The following SLIT3 variants were observed in gnomAD, a reference collection of about 807,000 sequenced individuals.
The protein encoded by SLIT3 is slit homolog 3 protein.
In SLIT3, 68 loss-of-function variants were observed where a neutral mutation model predicts 184.0. The observed-to-expected ratio is 0.37, with a 90% CI of 0.30 to 0.45. The LOEUF is 0.45. Among genes scored for constraint, SLIT3 ranks in the 20% least tolerant of loss-of-function variants. The probability of loss-of-function intolerance (pLI) is 1.00; values close to 1 mark genes in which losing one functional copy is unlikely to be tolerated. For synonymous variants in SLIT3, 831 were observed against 828.6 expected, an observed-to-expected ratio of 1.00 and a Z score of -0.05; for missense variants, 1,707 against 2,026.0, an observed-to-expected ratio of 0.84 and a Z score of 3.02.
chr5:169,114,964 G>T (rs1270593559), intron 4 of SLIT3, among the ~76,000 whole-genome samples: 1 of 152,200 alleles, frequency 6.6e-6, no homozygotes, highest in Non-Finnish European at 1.5e-5. Flanking sequence ...AAATGGAGGG[G>T]GAGGGCGGAA....
intron 4 of SLIT3, among the ~76,000 whole-genome samples, chr5:169,137,924 C>G (rs1761583020): frequency 6.6e-6 from 1 of 152,126 alleles, no homozygotes; most frequent in South Asian, 2.1e-4. Flanking sequence ...TGTCTCACCT[C>G]TCTCTCATTT....
chr5:169,044,987 C>A (rs1044133399), intron 4 of SLIT3, among the ~76,000 whole-genome samples: 1 of 152,170 alleles, frequency 6.6e-6, no homozygotes, highest in African/African-American at 2.4e-5. Flanking sequence ...CTGTCCATCA[C>A]GGGATGAGAA....
Position 168,774,343 on chromosome 5 carries a change from A to G in SLIT3, c.1187T>C (p.Val396Ala), listed in dbSNP as rs1755665171. 1 of 1,613,764 alleles carries G rather than the reference A, an allele frequency of 6.2e-7. No individual in the cohort carries two copies. The highest frequency in any genetic ancestry group is 8.5e-7 in the Non-Finnish European group (1 of 1,179,902). The change falls in exon 13 of 36, where the codon GTG becomes GCG. Residue 396 changes from valine to alanine, a missense_variant. By Grantham distance (64) the Val-to-Ala change is moderately conservative. This residue lies in a region of SLIT3 where 1,307 missense variants were observed against 1,511.6 expected (regional missense o/e 0.86). Coordinates refer to ENST00000519560, the MANE Select transcript of SLIT3 (RefSeq NM_003062.4). ...GTTCTGCAGGTCCTGAAACGTGTTC[A>G]CCCGCAGGCAGTTGATCTTGTTGGC... ...LNANKINCLR[V>A]NTFQDLQNLN...
intron 25 of SLIT3, 91 bp from the exon 26 acceptor site, chr5:168,708,191 C>T: frequency 6.4e-7 from 1 of 1,564,928 alleles, no homozygotes; most frequent in Non-Finnish European, 8.7e-7. Flanking sequence ...CTCCCTCAGC[C>T]AGCGCCAGCC....
chr5:168,730,807 C>T (rs1291654897), intron 20 of SLIT3, among the ~76,000 whole-genome samples: 6 of 151,812 alleles, frequency 4.0e-5, no homozygotes, highest in Admixed American at 1.3e-4. Context: ...TAACATCATA[C>T]CCCAAGAAAC....
At chr5:168,849,209 T>C (rs1320629980) in intron 5 of SLIT3, among the ~76,000 whole-genome samples, 1 of 152,154 alleles carries the variant, frequency 6.6e-6, no homozygotes, top group Admixed American at 6.5e-5. Flanking sequence ...GGTCTGCACA[T>C]CAGGGGATAC....
At chr5:169,279,282 A>G (rs141438022) in intron 1 of SLIT3, among the ~76,000 whole-genome samples, 1,718 of 152,222 alleles carry the variant, frequency 0.011, 17 homozygotes, top group Middle Eastern at 0.024. Flanking sequence ...CAAATAGCAG[A>G]CCCCTGCAGG....
intron 4 of SLIT3, among the ~76,000 whole-genome samples, chr5:169,082,483 ACTC>A (rs1470403612): frequency 3.3e-5 from 5 of 151,942 alleles, no homozygotes; most frequent in Non-Finnish European, 7.4e-5. Flanking sequence ...TAAATTGTAA[ACTC>A]CTCAAGGGTT....
At chr5:169,109,822 AG>A (rs1450254981) in intron 4 of SLIT3, among the ~76,000 whole-genome samples, 1 of 152,036 alleles carries the variant, frequency 6.6e-6, no homozygotes, top group Non-Finnish European at 1.5e-5. Flanking sequence ...TGAGGCTCTG[AG>A]CTCTTCAAGG....
intron 3 of SLIT3, among the ~76,000 whole-genome samples, chr5:169,198,417 T>C (rs1481496267): frequency 2.6e-5 from 4 of 152,160 alleles, no homozygotes; most frequent in Admixed American, 6.5e-5. Flanking sequence ...CTGTACTCCA[T>C]GGAGGGCCAG....
intron 4 of SLIT3, among the ~76,000 whole-genome samples, chr5:169,042,466 GTTCT>G (rs940270246): frequency 5.3e-5 from 8 of 152,192 alleles, no homozygotes; most frequent in Non-Finnish European, 1.2e-4. Context: ...TGCTAAAAGG[GTTCT>G]TTCTATCAAA....
At chr5:169,247,207 C>T (rs552705605) in intron 2 of SLIT3, among the ~76,000 whole-genome samples, 1 of 143,584 alleles carries the variant, frequency 7.0e-6, no homozygotes, top group East Asian at 2.1e-4. Flanking sequence ...CAGAGCAAGA[C>T]TCTGTCTCAA....
At chr5:168,996,371 A>T (rs1383014553) in intron 4 of SLIT3, among the ~76,000 whole-genome samples, 1 of 152,054 alleles carries the variant, frequency 6.6e-6, no homozygotes, top group Non-Finnish European at 1.5e-5. Context: ...AAATGGTTCC[A>T]TTTTCAGTGG....
At chr5:168,983,752 T>C (rs564716582) in intron 4 of SLIT3, among the ~76,000 whole-genome samples, 2 of 152,330 alleles carry the variant, frequency 1.3e-5, no homozygotes, top group South Asian at 4.1e-4. Context: ...AACAGTATAA[T>C]CTATTTCCAA....
chr5:168,844,854 C>A (rs556773999), intron 5 of SLIT3, 199 bp from the exon 6 acceptor site: 1 of 533,056 alleles, frequency 1.9e-6, no homozygotes, highest in South Asian at 2.7e-5. Context: ...CACAGACGAG[C>A]GCACCAAAAG....
chr5:168,877,778 T>G (rs1483740487), intron 5 of SLIT3, among the ~76,000 whole-genome samples: 3 of 152,180 alleles, frequency 2.0e-5, no homozygotes, highest in Non-Finnish European at 4.4e-5. Context: ...CCTTCTGGAA[T>G]GCATGTCCTA....
intron 4 of SLIT3, among the ~76,000 whole-genome samples, chr5:169,192,149 C>T (rs1189147673): frequency 1.3e-5 from 2 of 152,136 alleles, no homozygotes; most frequent in Admixed American, 6.5e-5. Context: ...GACCCCCGGG[C>T]TGCTGAACAG....
At chr5:168,794,100 A>G (rs1047188458) in intron 10 of SLIT3, among the ~76,000 whole-genome samples, 1 of 152,198 alleles carries the variant, frequency 6.6e-6, no homozygotes, top group Non-Finnish European at 1.5e-5. Flanking sequence ...TTTTTAACAT[A>G]AAAGGAATCA....
intron 4 of SLIT3, among the ~76,000 whole-genome samples, chr5:169,126,732 C>T (rs1490657884): frequency 1.3e-5 from 2 of 152,232 alleles, no homozygotes; most frequent in African/African-American, 4.8e-5. Flanking sequence ...CTGGATCTTT[C>T]TTCTAATCAG....
Sources: allele counts gnomAD v4.1 joint callset (sites outside exome capture counted in the v4.1 genomes callset), GRCh38; gene constraint gnomAD v4.1.1; regional missense constraint gnomAD v4.1.1; transcripts MANE v1.5; gene names NCBI Gene and HGNC (gene_info 2026-07-23, HGNC 2026-07-21).